Variants in CALN1 observed in about 807,000 individuals in gnomAD.
The protein encoded by CALN1 is calcium-binding protein 8.
CALN1 carries 17 observed loss-of-function variants against 30.6 expected under a neutral mutation model. That is an observed-to-expected ratio of 0.56 (90% CI 0.38 to 0.83). CALN1 has a LOEUF of 0.83. CALN1 is among the 40% of genes least tolerant of loss of function. The probability of loss-of-function intolerance (pLI) is 0.00; values close to 1 mark genes in which losing one functional copy is unlikely to be tolerated. For missense variants in CALN1, 291 were observed against 354.9 expected, an observed-to-expected ratio of 0.82 and a Z score of 1.45; for synonymous variants, 156 against 131.4, an observed-to-expected ratio of 1.19 and a Z score of -1.28.
chr7:71,809,749 C>T (rs948157122), intron 6 of CALN1, among the ~76,000 whole-genome samples: 5 of 151,670 alleles, frequency 3.3e-5, no homozygotes, highest in Non-Finnish European at 5.9e-5. Flanking sequence ...TTTCATGGGT[C>T]TCTTTTTTGG....
At chr7:72,477,670 C>T in the CALN1 span, among the ~76,000 whole-genome samples, 1 of 152,202 alleles carries the variant, frequency 6.6e-6, no homozygotes, top group Non-Finnish European at 1.5e-5. Flanking sequence ...AATACTCCCA[C>T]TTTGGCTTCC....
At chr7:72,055,115 A>G (rs1803169150) in intron 4 of CALN1, among the ~76,000 whole-genome samples, 1 of 152,210 alleles carries the variant, frequency 6.6e-6, no homozygotes. Context: ...TACATGAGTT[A>G]ACTCATTTAA....
chr7:72,170,235 C>T (rs1788842760), intron 3 of CALN1, among the ~76,000 whole-genome samples: 1 of 152,186 alleles, frequency 6.6e-6, no homozygotes, highest in Non-Finnish European at 1.5e-5. Context: ...CTGCTCAACC[C>T]TTCAAGTGGC....
intron 2 of CALN1, among the ~76,000 whole-genome samples, chr7:72,289,766 T>G (rs1362470840): frequency 6.6e-6 from 1 of 152,118 alleles, no homozygotes; most frequent in African/African-American, 2.4e-5. Flanking sequence ...TTTTCACTTA[T>G]TTCATTGTAA....
chr7:72,431,976 A>G (rs1807994026), intron 1 of CALN1, among the ~76,000 whole-genome samples: 1 of 152,144 alleles, frequency 6.6e-6, no homozygotes, highest in African/African-American at 2.4e-5. Context: ...CCTTGCCATC[A>G]TGAACTGTGA....
At chr7:71,893,403 T>C (rs1793360470) in intron 5 of CALN1, among the ~76,000 whole-genome samples, 2 of 152,070 alleles carry the variant, frequency 1.3e-5, no homozygotes, top group South Asian at 4.1e-4. Context: ...TAAGGTGCTT[T>C]TGGCCAGGCG....
chr7:72,231,636 T>A (rs1158286016), intron 3 of CALN1, among the ~76,000 whole-genome samples: 2 of 152,122 alleles, frequency 1.3e-5, no homozygotes, highest in Middle Eastern at 6.3e-3. Flanking sequence ...TTATTGCTAT[T>A]GTTGTTAGTC....
intron 5 of CALN1, among the ~76,000 whole-genome samples, chr7:71,845,073 AG>A (rs1432816886): frequency 4.6e-5 from 7 of 151,972 alleles, no homozygotes; most frequent in Admixed American, 1.3e-4. Flanking sequence ...TAGTACAGAC[AG>A]GGTTTCACCA....
Position 72,205,551 on chromosome 7 carries a change from A to AAATATATACATATAT in CALN1, c.244+73134_244+73135insATATATGTATATATT. Reference sequence around the variant, plus strand: ...ATTTTTCTCCTGATTGCAAAAAAAAAATATATATATATATATGTATATATA... The same window carrying AAATATATACATATAT: ...ATTTTTCTCCTGATTGCAAAAAAAAAAATATATACATATATATATATATATATATATGTATATATA... On this transcript the variant is annotated intron_variant, in intron 3 of 6. Transcript: ENST00000395275. 7.2e-3 allele frequency among the ~76,000 whole-genome samples: 598 copies of AAATATATACATATAT among 82,974 alleles called. 86 individuals carry two copies. Among genetic ancestry groups the AAATATATACATATAT allele is most frequent in the East Asian group, 0.027 (31 of 1,144 alleles). The allele number at this position is 82,974 out of a possible 152,430, so 54.4% of individuals were successfully genotyped here. A position where few individuals can be genotyped will look rare whatever the true frequency, so the allele number is the denominator to read the frequency against.
intron 4 of CALN1, among the ~76,000 whole-genome samples, chr7:72,082,751 T>C (rs1023526245): frequency 6.6e-6 from 1 of 152,238 alleles, no homozygotes; most frequent in African/African-American, 2.4e-5. Flanking sequence ...ACAGAACTCC[T>C]ATCCAACTCA....
chr7:72,383,134 TACC>T (rs1275335253), intron 2 of CALN1, among the ~76,000 whole-genome samples: 2 of 152,202 alleles, frequency 1.3e-5, no homozygotes, highest in Non-Finnish European at 2.9e-5. Context: ...GGTGTATGTG[TACC>T]ACATTTTCTT....
intron 1 of CALN1, among the ~76,000 whole-genome samples, chr7:72,410,051 AT>A (rs200874601): frequency 0.029 from 4,318 of 149,430 alleles, 172 homozygotes; most frequent in African/African-American, 0.098. Flanking sequence ...TCTTGAAGAT[AT>A]CTTTTGGACA....
At chr7:72,229,815 G>A (rs1431408897) in intron 3 of CALN1, among the ~76,000 whole-genome samples, 1 of 151,854 alleles carries the variant, frequency 6.6e-6, no homozygotes, top group Non-Finnish European at 1.5e-5. Context: ...AGAGCATTAG[G>A]ACAAATACAT....
chr7:71,810,336 C>T lies in CALN1; in HGVS notation c.658G>A (p.Val220Met). ...AGGGGATGGCAGCAGGGGCACCTAC[C>T]TCCTTCAAACTCTGTTTGGCAGTTC... ...SGNCQTEFEGVHSQKQNRQTC... is the reference protein window; with the variant it reads ...SGNCQTEFEGMHSQKQNRQTC... Residue 220 changes from valine to methionine, a missense_variant and splice_region_variant, in exon 6 of 7, where the codon GTG (valine) becomes ATG (methionine). Val to Met is a conservative substitution (Grantham distance 21, BLOSUM62 1). This residue lies in a region of CALN1 where 169 missense variants were observed against 251.7 expected (regional missense o/e 0.67). Coordinates refer to ENST00000395275, the MANE Select transcript of CALN1 (RefSeq NM_031468.4). 7 of 1,613,502 alleles carry T rather than the reference C, an allele frequency of 4.3e-6. No individual in the cohort carries two copies. Among genetic ancestry groups the T allele is most frequent in the Non-Finnish European group, 5.9e-6 (7 of 1,179,688 alleles).
intron 2 of CALN1, among the ~76,000 whole-genome samples, chr7:72,378,426 A>AG (rs1005739465): frequency 6.6e-6 from 1 of 152,166 alleles, no homozygotes; most frequent in African/African-American, 2.4e-5. Flanking sequence ...ACTAGTTTCC[A>AG]GAGTTCCAAC....
At chr7:72,453,281 A>G in the CALN1 span, among the ~76,000 whole-genome samples, 2 of 152,240 alleles carry the variant, frequency 1.3e-5, no homozygotes, top group Admixed American at 1.3e-4. Flanking sequence ...CTGCTCCTGC[A>G]TAGCAGGGCT....
intron 1 of CALN1, among the ~76,000 whole-genome samples, chr7:72,421,418 C>T (rs561539691): frequency 2.0e-5 from 3 of 152,106 alleles, no homozygotes; most frequent in African/African-American, 4.8e-5. Context: ...TCACCTTTTC[C>T]GAATTGTTTT....
At chr7:72,150,074 G>A (rs960157594) in intron 3 of CALN1, among the ~76,000 whole-genome samples, 1 of 149,558 alleles carries the variant, frequency 6.7e-6, no homozygotes, top group South Asian at 2.1e-4. Context: ...GCAATGAGCC[G>A]AGATCGTGCC....
rs549894849 is a variant in CALN1, at chr7:71,989,755, A to G, written c.501+33902T>C. On this transcript the variant is annotated intron_variant, in intron 5 of 6. Coordinates refer to ENST00000395275, the MANE Select transcript of CALN1 (RefSeq NM_031468.4). Reference sequence around the variant, plus strand: ...ACATTATCCTGATTAGAGGAGAAAAACAACTCCAAAAATCACTGTTAGCAA... The same window carrying G: ...ACATTATCCTGATTAGAGGAGAAAAGCAACTCCAAAAATCACTGTTAGCAA... Among the ~76,000 whole-genome samples the G allele has an allele frequency of 2.0e-5, 3 of 152,312 alleles. No individual in the cohort carries two copies. In the South Asian group the frequency reaches 6.2e-4, roughly 32 times the overall value.
Sources: gnomAD v4.1 joint callset for allele counts (sites outside exome capture counted in the v4.1 genomes callset) on GRCh38, gnomAD v4.1.1 for gene constraint, gnomAD v4.1.1 regional missense constraint, MANE v1.5 for transcripts, NCBI Gene and HGNC (gene_info 2026-07-23, HGNC 2026-07-21) for gene names.